The following MARCHF1 variants were observed in gnomAD, a reference collection of about 807,000 sequenced individuals.
MARCHF1 encodes the protein membrane associated ring-CH-type finger 1.
In MARCHF1, 40 loss-of-function variants were observed where a neutral mutation model predicts 54.2. The ratio of observed to expected loss-of-function variants is 0.74; its 90% CI spans 0.57 to 0.96. The LOEUF is 0.96. Among genes scored for constraint, MARCHF1 ranks in the 40% least tolerant of loss-of-function variants. The probability of loss-of-function intolerance (pLI) is 0.00; values close to 1 mark genes in which losing one functional copy is unlikely to be tolerated. For synonymous variants in MARCHF1, 236 were observed against 236.3 expected, an observed-to-expected ratio of 1.00 and a Z score of 0.01; for missense variants, 586 against 656.5, an observed-to-expected ratio of 0.89 and a Z score of 1.17.
chr4:163,566,552 C>A (rs186945114), intron 8 of MARCHF1, among the ~76,000 whole-genome samples: 1 of 152,134 alleles, frequency 6.6e-6, no homozygotes, highest in African/African-American at 2.4e-5. Context: ...TTCCAACTGG[C>A]ATTTATTTTC....
intron 9 of MARCHF1, among the ~76,000 whole-genome samples, chr4:163,529,592 A>G (rs1241990689): frequency 1.3e-5 from 2 of 152,044 alleles, no homozygotes; most frequent in South Asian, 4.1e-4. Context: ...ACATCTCACC[A>G]GAGAGAGAAT....
intron 4 of MARCHF1, among the ~76,000 whole-genome samples, chr4:163,742,397 C>CCTT (rs1746228070): frequency 0.016 from 1,415 of 91,284 alleles, 20 homozygotes; most frequent in Middle Eastern, 0.054. Context: ...CTTCCTTCCT[C>CCTT]CCTTCCTTCC....
chr4:163,610,076 T>G (rs990813009), intron 7 of MARCHF1, among the ~76,000 whole-genome samples: 1 of 152,094 alleles, frequency 6.6e-6, no homozygotes, highest in African/African-American at 2.4e-5. Context: ...ACGTAAATTC[T>G]ATTTTTCTCA....
At chr4:164,312,771 T>C (rs1293657454) in intron 1 of MARCHF1, among the ~76,000 whole-genome samples, 2 of 152,200 alleles carry the variant, frequency 1.3e-5, no homozygotes, top group Admixed American at 6.5e-5. Flanking sequence ...CAACAGATTT[T>C]AATAACCTTT....
At chr4:163,730,730 G>A (rs1452992695) in intron 4 of MARCHF1, among the ~76,000 whole-genome samples, 1 of 152,084 alleles carries the variant, frequency 6.6e-6, no homozygotes, top group Non-Finnish European at 1.5e-5. Flanking sequence ...AGCCTGAAGA[G>A]TAAGCTAAAG....
chr4:163,818,041 G>T (rs984427441), intron 4 of MARCHF1, among the ~76,000 whole-genome samples: 1 of 150,772 alleles, frequency 6.6e-6, no homozygotes, highest in Non-Finnish European at 1.5e-5. Context: ...CAGCACACCA[G>T]CATGGCACAT....
At chr4:163,715,890 C>T (rs903936610) in intron 4 of MARCHF1, among the ~76,000 whole-genome samples, 5 of 152,104 alleles carry the variant, frequency 3.3e-5, no homozygotes, top group Non-Finnish European at 7.4e-5. Context: ...TTAAAATCAA[C>T]ACTTCCTAGA....
At chr4:163,804,237 T>C (rs1221750901) in intron 4 of MARCHF1, among the ~76,000 whole-genome samples, 1 of 152,206 alleles carries the variant, frequency 6.6e-6, no homozygotes, top group African/African-American at 2.4e-5. Flanking sequence ...TGGTTCACTT[T>C]AGAACTCAAA....
intron 4 of MARCHF1, among the ~76,000 whole-genome samples, chr4:163,776,219 G>T (rs927855760): frequency 2.4e-4 from 36 of 151,930 alleles, no homozygotes; most frequent in African/African-American, 8.5e-4. Flanking sequence ...TTAGAGCTTA[G>T]AAAAAATTAA....
chr4:163,555,948 T>C, intron 8 of MARCHF1: 1 of 456,272 alleles, frequency 2.2e-6, no homozygotes, highest in Non-Finnish European at 4.4e-6. Flanking sequence ...GAGACAGTGC[T>C]CGTGTACTAA....
At chr4:163,608,779 C>CT (rs1560971329) in intron 7 of MARCHF1, among the ~76,000 whole-genome samples, 1 of 152,064 alleles carries the variant, frequency 6.6e-6, no homozygotes, top group East Asian at 1.9e-4. Context: ...GAGCTTCTTT[C>CT]TTTTTTGTGG....
chr4:163,950,792 G>T (rs181157433), intron 3 of MARCHF1, among the ~76,000 whole-genome samples: 176 of 152,314 alleles, frequency 1.2e-3, no homozygotes, highest in African/African-American at 3.9e-3. Flanking sequence ...TAATTTATAA[G>T]ATTATTTGTA....
chr4:163,837,242 T>C (rs1749215251), intron 4 of MARCHF1, among the ~76,000 whole-genome samples: 1 of 152,124 alleles, frequency 6.6e-6, no homozygotes, highest in Non-Finnish European at 1.5e-5. Context: ...CTCTTACTTG[T>C]CTATGGTCAC....
intron 4 of MARCHF1, among the ~76,000 whole-genome samples, chr4:163,759,691 A>G (rs1746776557): frequency 6.6e-6 from 1 of 152,184 alleles, no homozygotes; most frequent in Non-Finnish European, 1.5e-5. Context: ...ACTGTTGCAC[A>G]TGTTAATTTA....
At chr4:164,336,562 T>A (rs759719460) in intron 1 of MARCHF1, among the ~76,000 whole-genome samples, 11 of 152,214 alleles carry the variant, frequency 7.2e-5, no homozygotes, top group Admixed American at 2.0e-4. Context: ...AACCAGTATA[T>A]TGAAAGAATA....
intron 3 of MARCHF1, among the ~76,000 whole-genome samples, chr4:163,907,829 C>T (rs4410484): frequency 0.94 from 143,242 of 152,174 alleles, 67,842 homozygotes; most frequent in South Asian, 0.99. Flanking sequence ...TACTTTAGAA[C>T]GATATGTGTG....
intron 1 of MARCHF1, among the ~76,000 whole-genome samples, chr4:164,309,882 T>A (rs1392093417): frequency 6.6e-6 from 1 of 152,158 alleles, no homozygotes; most frequent in Admixed American, 6.5e-5. Flanking sequence ...GCAGTTATAT[T>A]ACATGTTCTT....
intron 1 of MARCHF1, among the ~76,000 whole-genome samples, chr4:164,358,951 T>G (rs1050843220): frequency 6.6e-6 from 1 of 152,136 alleles, no homozygotes; most frequent in African/African-American, 2.4e-5. Context: ...ATGTTTTTCT[T>G]TAAAATATAT....
chr4:164,323,761 C>T (rs1267361195), intron 1 of MARCHF1, among the ~76,000 whole-genome samples: 4 of 151,488 alleles, frequency 2.6e-5, no homozygotes, highest in Non-Finnish European at 1.5e-5. Flanking sequence ...TACTTCTTAG[C>T]AACATCTGAA....
Sources: allele counts gnomAD v4.1 joint callset (sites outside exome capture counted in the v4.1 genomes callset), GRCh38; gene constraint gnomAD v4.1.1; transcripts MANE v1.5; gene names NCBI Gene and HGNC (gene_info 2026-07-23, HGNC 2026-07-21).